Variants in NOC4L observed in about 807,000 individuals in gnomAD.
NOC4L encodes nucleolar complex associated 4 homolog.
NOC4L carries 40 observed loss-of-function variants against 62.8 expected under a neutral mutation model. The observed-to-expected ratio is 0.64, with a 90% CI of 0.49 to 0.83. The LOEUF (loss-of-function observed/expected upper bound fraction) is 0.83, where lower values mean the gene tolerates loss of function less well. Among genes scored for constraint, NOC4L ranks in the 40% least tolerant of loss-of-function variants. The pLI, the probability that NOC4L is intolerant of heterozygous loss-of-function variation, is 0.00. For synonymous variants in NOC4L, 433 were observed against 299.8 expected (o/e 1.44, Z -4.59); for missense variants, 927 against 701.9 (o/e 1.32, Z -3.62).
chr12:132,148,601 C>T lies in NOC4L; in HGVS notation c.739-8C>T, dbSNP rs564538499. On this transcript the variant is annotated splice_region_variant and splice_polypyrimidine_tract_variant and intron_variant, in intron 7 of 14. Transcript: ENST00000330579. ...AGGGCGGCGAGTGCAGTCTGGACCCCGTTGCAGGAGCACAGGAGGGTTTTC... is the reference window on the plus strand; with the variant it reads ...AGGGCGGCGAGTGCAGTCTGGACCCTGTTGCAGGAGCACAGGAGGGTTTTC... 1.6e-4 allele frequency: 235 copies of T among 1,512,116 alleles called. 2 individuals are homozygous for T. The East Asian group carries it at 1.9e-3, about 12-fold the overall frequency. 93.7% of individuals were successfully genotyped at this position (1,512,116 alleles called of 1,614,324 possible). A position where few individuals can be genotyped will look rare whatever the true frequency, so the allele number is the denominator to read the frequency against.
chr12:132,148,918 C>A (rs11246942), intron 9 of NOC4L, 23 bp downstream of exon 9: 5 of 449,514 alleles, frequency 1.1e-5, no homozygotes, highest in East Asian at 5.6e-5. Flanking sequence ...GCCTCGCTCA[C>A]ACCACACCCC....
At chr12:132,148,388 C>A (rs537335248) in intron 7 of NOC4L, among the ~76,000 whole-genome samples, 2 of 152,200 alleles carry the variant, frequency 1.3e-5, no homozygotes, top group Non-Finnish European at 2.9e-5. Context: ...CCCCTCTTGG[C>A]CATGGTCTTG....
chr12:132,146,292 G>A (rs1049906254), intron 3 of NOC4L: 5 of 456,026 alleles, frequency 1.1e-5, no homozygotes, highest in South Asian at 6.2e-5. Context: ...ACTCATCGGC[G>A]TGTTCGAAGT....
In NOC4L at chr12:132,147,980, G is replaced by A; in HGVS notation, c.703+1G>A. On this transcript the variant is annotated splice_donor_variant, in intron 6 of 14. Transcript: ENST00000330579. LOFTEE classifies it high-confidence loss of function. ...TCCAGCTTCTATGTGAAGCGGGCGGGTGAGTGTGCTGAGAGTCAGGGGCGG... is the reference window on the plus strand; with the variant it reads ...TCCAGCTTCTATGTGAAGCGGGCGGATGAGTGTGCTGAGAGTCAGGGGCGG... 1 of 1,611,452 alleles carries A rather than the reference G, an allele frequency of 6.2e-7. No homozygotes were observed. The highest frequency in any genetic ancestry group is 8.5e-7 in the Non-Finnish European group (1 of 1,179,202).
chr12:132,150,850 G>T, intron 9 of NOC4L, 131 bp from the exon 10 acceptor site: 1 of 693,492 alleles, frequency 1.4e-6, no homozygotes, highest in Non-Finnish European at 2.5e-6. Flanking sequence ...CTCCAGCTTT[G>T]TGTCCGTGGG....
At position 132,145,621 on chromosome 12, in the gene NOC4L, A is replaced by C. The variant is rs760573592; in HGVS notation, c.301A>C (p.Asn101His). The C allele has an allele frequency of 1.9e-4, 311 of 1,613,494 alleles. No homozygotes were observed. The highest frequency in any genetic ancestry group is 2.6e-4 in the Non-Finnish European group (302 of 1,179,916). Residue 101 changes from asparagine to histidine, a missense_variant, in exon 3 of 15, where the codon AAT (asparagine) becomes CAT (histidine). Physicochemically the swap from Asn to His is moderately conservative, Grantham distance 68 (BLOSUM62 1). Transcript: ENST00000330579. ...GAGACACCGCTATCACAGCTGCTGCAATCGCTTGGGAGAGCTCCTGGGCCA... is the reference window on the plus strand; with the variant it reads ...GAGACACCGCTATCACAGCTGCTGCCATCGCTTGGGAGAGCTCCTGGGCCA... ...WMRHRYHSCC[N>H]RLGELLGHPS... is the part of the protein sequence containing the mutation.
At position 132,150,985 on chromosome 12, in the gene NOC4L, G is replaced by A. The variant is rs139013195; in HGVS notation, c.906G>A (p.Gly302=). ...CCTGTGTCTGTCTGTCTGCAGGGGG[G>A]GCCCTCAGCCTCTTGGCCTTGAACG... ...DFLTRACDLG[G]ALSLLALNGL... is the part of the protein sequence containing the mutation. Residue 302 remains glycine, a synonymous_variant, in exon 10 of 15, where the codon GGG becomes GGA. Coordinates refer to ENST00000330579, the MANE Select transcript of NOC4L (RefSeq NM_024078.3). The A allele has an allele frequency of 3.7e-6, 6 of 1,608,294 alleles. No individual in the cohort carries two copies. The South Asian group carries it at 5.5e-5, about 15-fold the overall frequency.
chr12:132,145,396 G>A (rs1405345905), intron 2 of NOC4L, among the ~76,000 whole-genome samples, 163 bp from the exon 3 acceptor site: 1 of 152,206 alleles, frequency 6.6e-6, no homozygotes, highest in African/African-American at 2.4e-5. Flanking sequence ...CTCAGGGAAT[G>A]TGCTGGTCTC....
intron 8 of NOC4L, 61 bp from the exon 9 acceptor site, chr12:132,148,723 A>AC (rs1465063530): frequency 1.8e-4 from 227 of 1,262,222 alleles, no homozygotes; most frequent in Non-Finnish European, 2.3e-4. Context: ...CGGAGGCCTC[A>AC]CCCCGACCCG....
chr12:132,145,616 G>C lies in NOC4L; in HGVS notation c.296G>C (p.Cys99Ser). The change falls in exon 3 of 15, where the codon TGC becomes TCC. Residue 99 changes from cysteine to serine, a missense_variant. Coordinates refer to ENST00000330579, the MANE Select transcript of NOC4L (RefSeq NM_024078.3). ...TGGATGAGACACCGCTATCACAGCT[G>C]CTGCAATCGCTTGGGAGAGCTCCTG... is the stretch of plus-strand genomic sequence containing the variant. The part of the protein sequence containing the change: ...KVWMRHRYHS[C>S]CNRLGELLGH... 6.2e-7 allele frequency: 1 copy of C among 1,613,604 alleles called. No individual in the cohort carries two copies. Among genetic ancestry groups the C allele is most frequent in the Non-Finnish European group, 8.5e-7 (1 of 1,179,926 alleles).
At chr12:132,150,787 C>T (rs1897903562) in intron 9 of NOC4L, 194 bp from the exon 10 acceptor site, 1 of 601,760 alleles carries the variant, frequency 1.7e-6, no homozygotes, top group South Asian at 1.9e-5. Context: ...CCCGCAGCAC[C>T]TCTTCCCCGA....
intron 3 of NOC4L, chr12:132,146,147 GC>G: frequency 2.3e-6 from 1 of 431,964 alleles, no homozygotes; most frequent in Non-Finnish European, 4.7e-6. Flanking sequence ...AGTTACCATC[GC>G]TTCCATATCC....
In NOC4L at chr12:132,152,135, A is replaced by G; in HGVS notation, c.1369A>G (p.Asn457Asp). 1 of 1,612,426 alleles carries G rather than the reference A, an allele frequency of 6.2e-7. No homozygotes were observed. Among genetic ancestry groups the G allele is most frequent in the Non-Finnish European group, 8.5e-7 (1 of 1,179,852 alleles). The change falls in exon 14 of 15, where the codon AAC (asparagine) becomes GAC (aspartate). Residue 457 changes from asparagine (N) to aspartate (D), a missense_variant. By Grantham distance (23) the Asn-to-Asp change is conservative. Coordinates refer to ENST00000330579, the MANE Select transcript of NOC4L (RefSeq NM_024078.3). ...PEVSKAASVI[N>D]QALSMPEVSI... ...GGTGTCCAAAGCCGCCAGCGTCATC[A>G]ACCAGGCCCTGTCCATGCCTGAGGT...
Position 132,151,788 on chromosome 12 carries a change from C to T in NOC4L, c.1285C>T (p.Arg429Trp), listed in dbSNP as rs762098362. The T allele has an allele frequency of 3.7e-5, 60 of 1,612,210 alleles. 1 individual carries two copies. In the South Asian group the frequency reaches 4.0e-4, roughly 11 times the overall value. ...TGGAGAGGAGGACCCAGCCCAGAGC[C>T]GGGCCTTGGAGAGCTCCCTGTGGGA... ...DPGEEDPAQS[R>W]ALESSLWELQ... The change falls in exon 13 of 15, where the codon CGG becomes TGG. Residue 429 changes from arginine (R) to tryptophan (W), a missense_variant. By Grantham distance (101) the Arg-to-Trp change is moderately radical. Transcript: ENST00000330579.
Position 132,152,302 on chromosome 12 carries a change from G to A in NOC4L, c.1452G>A (p.Lys484=), listed in dbSNP as rs767405701. ...TAYEIFERDL[K]KKGPEPVPLE... is the part of the protein sequence containing the mutation. ...TGCAGATCTTTGAGCGGGACCTGAA[G>A]AAGAAGGGGCCCGAGCCGGTGCCAC... The change falls in exon 15 of 15, where the codon AAG becomes AAA. Residue 484 remains lysine, a synonymous_variant. Coordinates refer to ENST00000330579, the MANE Select transcript of NOC4L (RefSeq NM_024078.3). The A allele has an allele frequency of 3.8e-6, 6 of 1,561,104 alleles. No homozygotes were observed. The highest frequency in any genetic ancestry group is 1.9e-5 in the Admixed American group (1 of 52,530).
In NOC4L at chr12:132,151,384, C is replaced by A; in HGVS notation, c.1073+16C>A. On this transcript the variant is annotated intron_variant, in intron 11 of 14. Coordinates refer to ENST00000330579, the MANE Select transcript of NOC4L (RefSeq NM_024078.3). ...TGTCCTCCTCGTGAGTACCAGGGCA[C>A]CTGGCTCTGCCCTGCTCTGTGCGGC... The A allele has an allele frequency of 6.2e-7, 1 of 1,605,826 alleles. No individual in the cohort carries two copies. Among genetic ancestry groups the A allele is most frequent in the Non-Finnish European group, 8.5e-7 (1 of 1,178,906 alleles).
At chr12:132,145,315 A>G (rs938255625) in intron 2 of NOC4L, among the ~76,000 whole-genome samples, 1 of 151,832 alleles carries the variant, frequency 6.6e-6, no homozygotes. Flanking sequence ...AAGAGAGGGG[A>G]TGTGGATCCT....
chr12:132,148,587 T>C (rs1194231009), intron 7 of NOC4L, 22 bp from the exon 8 acceptor site: 9 of 1,547,010 alleles, frequency 5.8e-6, no homozygotes, highest in Non-Finnish European at 7.0e-6. Context: ...GGGCGGCGAG[T>C]GCAGTCTGGA....
Position 132,151,527 on chromosome 12 carries a change from G to A in NOC4L, c.1117G>A (p.Ala373Thr), listed in dbSNP as rs1353484558. 3.1e-6 allele frequency: 5 copies of A among 1,607,248 alleles called. No homozygotes were observed. The highest frequency in any genetic ancestry group is 2.5e-6 in the Non-Finnish European group (3 of 1,179,042). The change falls in exon 12 of 15, where the codon GCC (alanine) becomes ACC (threonine). Residue 373 changes from alanine (A) to threonine (T), a missense_variant. Physicochemically the swap from Ala to Thr is moderately conservative, Grantham distance 58 (BLOSUM62 0). Coordinates refer to ENST00000330579, the MANE Select transcript of NOC4L (RefSeq NM_024078.3). Reference sequence around the variant, plus strand: ...GGTGGCCGCCTTCGCCAAGCGGCTGGCCCGCCTGGCCCTGACGGCTCCCCC... The same window carrying A: ...GGTGGCCGCCTTCGCCAAGCGGCTGACCCGCCTGGCCCTGACGGCTCCCCC... ...YLVAAFAKRL[A>T]RLALTAPPEA...
Sources: gnomAD v4.1 joint callset for allele counts (sites outside exome capture counted in the v4.1 genomes callset) on GRCh38, gnomAD v4.1.1 for gene constraint, MANE v1.5 for transcripts, NCBI Gene and HGNC (gene_info 2026-07-23, HGNC 2026-07-21) for gene names.